LEPR: variants seen among roughly 807,000 people sequenced by gnomAD.
LEPR encodes leptin receptor, also known as OB receptor.
A neutral mutation model predicts 114.7 loss-of-function variants in LEPR; 56 were observed. The ratio of observed to expected loss-of-function variants is 0.49; its 90% confidence interval spans 0.39 to 0.61. LEPR has a LOEUF of 0.61. LEPR is among the 20% of genes least tolerant of loss of function. The pLI, the probability that LEPR is intolerant of heterozygous loss-of-function variation, is 0.00. For synonymous variants in LEPR, 443 were observed against 461.4 expected, an observed-to-expected ratio of 0.96 and a Z score of 0.51; for missense variants, 1,202 against 1,352.9, an observed-to-expected ratio of 0.89 and a Z score of 1.75.
chr1:65,613,417 T>A (rs2100980336), intron 14 of LEPR, among the ~76,000 whole-genome samples: 1 of 152,168 alleles, frequency 6.6e-6, no homozygotes, highest in East Asian at 1.9e-4. Context: ...AAAACACACA[T>A]CTGATAAAGG....
chr1:65,424,049 CAA>C (rs964097446), intron 1 of LEPR, among the ~76,000 whole-genome samples: 1 of 152,172 alleles, frequency 6.6e-6, no homozygotes, highest in African/African-American at 2.4e-5. Flanking sequence ...AGCTTCTACC[CAA>C]AGTCATAAGA....
intron 2 of LEPR, among the ~76,000 whole-genome samples, chr1:65,446,741 CT>C (rs1462039083): frequency 6.6e-6 from 1 of 152,036 alleles, no homozygotes; most frequent in Non-Finnish European, 1.5e-5. Context: ...TTTTCTTTTT[CT>C]TTTTTCTTTT....
rs190549011 is a variant in LEPR at position 65,549,967 on chromosome 1, A to T, written c.-20-15579A>T. 4.3e-4 allele frequency among the ~76,000 whole-genome samples: 65 copies of T among 152,058 alleles called. No individual in the cohort carries two copies. The East Asian group carries it at 0.012, about 29-fold the overall frequency. On this transcript the variant is annotated intron_variant, in intron 2 of 19. Transcript: ENST00000349533. ...TTTTATCTACTTTTGGTCTTTGCTGATGGTGATGTACAGATTGGTTTTTGG... is the reference window on the plus strand; with the variant it reads ...TTTTATCTACTTTTGGTCTTTGCTGTTGGTGATGTACAGATTGGTTTTTGG...
intron 2 of LEPR, among the ~76,000 whole-genome samples, chr1:65,494,749 C>G (rs375353767): frequency 6.6e-6 from 1 of 152,096 alleles, no homozygotes; most frequent in East Asian, 1.9e-4. Flanking sequence ...TCTTTCCATT[C>G]CCTTATTGCT....
intron 3 of LEPR, among the ~76,000 whole-genome samples, chr1:65,566,452 G>A (rs928327805): frequency 6.6e-6 from 1 of 152,010 alleles, no homozygotes; most frequent in African/African-American, 2.4e-5. Flanking sequence ...TGCCCGCCTC[G>A]GCCTCCCAAA....
intron 2 of LEPR, chr1:65,432,192 T>C: frequency 9.2e-7 from 1 of 1,089,672 alleles, no homozygotes; most frequent in Non-Finnish European, 1.1e-6. Context: ...TAACGCAGTC[T>C]TGTAGGCAGC....
chr1:65,553,715 T>C (rs766378755), intron 2 of LEPR, among the ~76,000 whole-genome samples: 2 of 152,170 alleles, frequency 1.3e-5, no homozygotes, highest in Non-Finnish European at 2.9e-5. Context: ...AGCCTACTTC[T>C]GTCAATTCAT....
chr1:65,617,504 A>G (rs1193797631), intron 15 of LEPR, among the ~76,000 whole-genome samples: 2 of 152,236 alleles, frequency 1.3e-5, no homozygotes, highest in African/African-American at 4.8e-5. Context: ...CATGGAAGGC[A>G]GAGAGGTGCG....
chr1:65,433,094 G>C (rs375637482), intron 2 of LEPR: 3 of 985,268 alleles, frequency 3.0e-6, no homozygotes, highest in Non-Finnish European at 3.6e-6. Context: ...GTTAGCAGGA[G>C]GGGGAGAACA....
intron 6 of LEPR, among the ~76,000 whole-genome samples, chr1:65,595,321 C>T (rs1655991464): frequency 6.6e-6 from 1 of 152,048 alleles, no homozygotes; most frequent in Non-Finnish European, 1.5e-5. Flanking sequence ...CCTTCATGGC[C>T]TCCCAACTCC....
At chr1:65,484,675 A>G (rs747869371) in intron 2 of LEPR, among the ~76,000 whole-genome samples, 1 of 152,212 alleles carries the variant, frequency 6.6e-6, no homozygotes, top group Non-Finnish European at 1.5e-5. Context: ...TGCAACTGAA[A>G]AGCCTCTGGC....
At chr1:65,555,030 C>T (rs963652732) in intron 2 of LEPR, among the ~76,000 whole-genome samples, 3 of 152,068 alleles carry the variant, frequency 2.0e-5, no homozygotes, top group Admixed American at 1.3e-4. Flanking sequence ...GCTCACCCTC[C>T]GTGGGCGGCA....
intron 2 of LEPR, among the ~76,000 whole-genome samples, chr1:65,544,141 T>G (rs1651456043): frequency 6.6e-6 from 1 of 152,038 alleles, no homozygotes; most frequent in Non-Finnish European, 1.5e-5. Flanking sequence ...TCTTATTTCC[T>G]TGAGAAGTGG....
intron 5 of LEPR, among the ~76,000 whole-genome samples, chr1:65,578,810 T>C (rs1025478481): frequency 2.0e-5 from 3 of 152,140 alleles, no homozygotes; most frequent in Admixed American, 2.0e-4. Context: ...CACACAAGCA[T>C]ACTGTAAGGG....
chr1:65,519,155 T>C (rs867088201), intron 2 of LEPR, among the ~76,000 whole-genome samples: 224 of 114,188 alleles, frequency 2.0e-3, no homozygotes, highest in African/African-American at 6.5e-3. Flanking sequence ...TTCCTTCCTT[T>C]CCTTCCTTCC....
chr1:65,610,616 C>T (rs1657104949), intron 14 of LEPR, among the ~76,000 whole-genome samples: 1 of 152,158 alleles, frequency 6.6e-6, no homozygotes, highest in Non-Finnish European at 1.5e-5. Context: ...GGCAGTGTTT[C>T]TTGGAGTCTA....
chr1:65,539,217 G>A (rs1206963259), intron 2 of LEPR, among the ~76,000 whole-genome samples: 1 of 148,714 alleles, frequency 6.7e-6, no homozygotes, highest in Non-Finnish European at 1.5e-5. Context: ...TTTCTGAAAT[G>A]TCTCTGCCAA....
chr1:65,613,778 A>AG (rs1557696699), intron 14 of LEPR, among the ~76,000 whole-genome samples: 16 of 138,754 alleles, frequency 1.2e-4, no homozygotes, highest in African/African-American at 1.8e-4. Context: ...AAAAAAAAAA[A>AG]AAAACCAAGT....
At chr1:65,597,015 C>T (rs1041432438) in intron 7 of LEPR, among the ~76,000 whole-genome samples, 1 of 152,062 alleles carries the variant, frequency 6.6e-6, no homozygotes, top group African/African-American at 2.4e-5. Flanking sequence ...GTCATTTTAG[C>T]AGGAACACCC....
Sources: gnomAD v4.1 joint callset for allele counts (sites outside exome capture counted in the v4.1 genomes callset) on GRCh38, gnomAD v4.1.1 for gene constraint, MANE v1.5 for transcripts, NCBI Gene and HGNC (gene_info 2026-07-23, HGNC 2026-07-21) for gene names.